The following TUFT1 variants were observed in gnomAD, a reference collection of about 807,000 sequenced individuals.
TUFT1 encodes the protein tuftelin.
In TUFT1, 43 loss-of-function variants were observed where a neutral mutation model predicts 57.8. The ratio of observed to expected loss-of-function variants is 0.74; its 90% CI spans 0.58 to 0.96. TUFT1 has a LOEUF of 0.96. TUFT1 is among the 40% of genes least tolerant of loss of function. TUFT1 has a pLI of 0.00. For synonymous variants in TUFT1, 166 were observed against 176.7 expected, an observed-to-expected ratio of 0.94 and a Z score of 0.48; for missense variants, 459 against 489.0, an observed-to-expected ratio of 0.94 and a Z score of 0.58.
chr1:151,578,970 G>A, intron 10 of TUFT1, 144 bp downstream of exon 10: 1 of 641,858 alleles, frequency 1.6e-6, no homozygotes, highest in Non-Finnish European at 2.6e-6. Flanking sequence ...CAGGTTATTA[G>A]GATTTGCTTT....
At position 151,566,210 on chromosome 1, in the gene TUFT1, G is replaced by C; in HGVS notation, c.462G>C (p.Leu154=). Residue 154 remains leucine, a synonymous_variant, in exon 6 of 13, where the codon CTG becomes CTC. Transcript: ENST00000368849. ...PNGFSQSPTA[L]YSSPPEVDTC... is the part of the protein sequence containing the mutation. ...GCTTTAGTCAGAGTCCCACAGCCCT[G>C]TACAGCAGCCCACCTGAGGTAGGTA... is the stretch of plus-strand genomic sequence containing the variant. The C allele has an allele frequency of 6.2e-7, 1 of 1,611,680 alleles. No homozygotes were observed.
Position 151,562,130 on chromosome 1 carries a change from C to G in TUFT1, c.100C>G (p.Leu34Val), listed in dbSNP as rs1571702183. 6.2e-7 allele frequency: 1 copy of G among 1,614,172 alleles called. No homozygotes were observed. Among genetic ancestry groups the G allele is most frequent in the Non-Finnish European group, 8.5e-7 (1 of 1,180,018 alleles). ...TCTCAGGCTGACTCTCCAGGGTGAA[C>G]TGACAGGAGATGAACTTGAACACAT... Reference protein sequence around the residue: ...DILRLTLQGELTGDELEHIAQ... With the variant: ...DILRLTLQGEVTGDELEHIAQ... Residue 34 changes from leucine (L) to valine (V), a missense_variant, in exon 2 of 13, where the codon CTG (leucine) becomes GTG (valine). Leu to Val is a conservative substitution (Grantham distance 32). Transcript: ENST00000368849.
chr1:151,557,701 C>T (rs941053228), intron 1 of TUFT1: 54 of 814,504 alleles, frequency 6.6e-5, no homozygotes, highest in Admixed American at 1.0e-4. Flanking sequence ...TCATCTGCCC[C>T]GGAGATTGTG....
Position 151,563,733 on chromosome 1 carries a change from G to GA in TUFT1, c.238-170dup, listed in dbSNP as rs549578351. ...AGGGTAAATTTCCAGAAGTAGAACT[G>GA]ATAGACCAAAAAGTAAATATATTTT... is the stretch of plus-strand genomic sequence containing the variant. On this transcript the variant is annotated intron_variant, in intron 3 of 12. Coordinates refer to ENST00000368849, the MANE Select transcript of TUFT1 (RefSeq NM_020127.3). Among the ~76,000 whole-genome samples, 190 of 152,282 alleles carry GA rather than the reference G, an allele frequency of 1.2e-3. 1 individual carries two copies. Among genetic ancestry groups the GA allele is most frequent in the Admixed American group, 0.012 (186 of 15,298 alleles).
chr1:151,565,907 C>T, intron 5 of TUFT1: 1 of 393,852 alleles, frequency 2.5e-6, no homozygotes, highest in South Asian at 2.8e-5. Flanking sequence ...ATCTCTCCAC[C>T]CCCTCTTGTT....
intron 9 of TUFT1, among the ~76,000 whole-genome samples, chr1:151,577,678 T>C (rs929817534): frequency 1.3e-5 from 2 of 152,180 alleles, no homozygotes; most frequent in Non-Finnish European, 2.9e-5. Flanking sequence ...CCTCAAATTC[T>C]GTCTTTCTCC....
rs1213631983 is a variant in TUFT1 at position 151,540,745 on chromosome 1, G to T, written c.60+319G>T. 53 of 323,928 alleles carry T rather than the reference G, an allele frequency of 1.6e-4. No individual in the cohort carries two copies. In the Admixed American group the frequency reaches 1.8e-3, roughly 11 times the overall value. 20.1% of individuals were successfully genotyped at this position (323,928 alleles called of 1,614,324 possible). ...GGCGTCTTTTGGGCAGCCACATTGG[G>T]TCATAAGAGAATGAGCTCAAGCGAC... On this transcript the variant is annotated intron_variant, in intron 1 of 12. Coordinates refer to ENST00000368849, the MANE Select transcript of TUFT1 (RefSeq NM_020127.3).
chr1:151,566,139 C>G, intron 5 of TUFT1, 24 bp from the exon 6 acceptor site: 2 of 1,552,832 alleles, frequency 1.3e-6, no homozygotes, highest in Non-Finnish European at 1.7e-6. Flanking sequence ...GTTTTAACTA[C>G]CAATTTTATT....
intron 6 of TUFT1, among the ~76,000 whole-genome samples, chr1:151,568,478 A>G (rs1411627844): frequency 6.6e-6 from 1 of 152,184 alleles, no homozygotes; most frequent in Non-Finnish European, 1.5e-5. Flanking sequence ...GCTTCATGTT[A>G]TATCATATGA....
At chr1:151,541,883 G>C (rs1665178864) in intron 1 of TUFT1, among the ~76,000 whole-genome samples, 1 of 152,130 alleles carries the variant, frequency 6.6e-6, no homozygotes, top group Non-Finnish European at 1.5e-5. Context: ...TATGTTGCCG[G>C]AGCTGCAGTA....
chr1:151,569,254 C>T (rs757735739), intron 6 of TUFT1, among the ~76,000 whole-genome samples: 7 of 152,110 alleles, frequency 4.6e-5, no homozygotes, highest in Non-Finnish European at 1.0e-4. Flanking sequence ...CGACATAGTC[C>T]CTGTCCTGTG....
chr1:151,542,382 T>G lies in TUFT1; in HGVS notation c.60+1956T>G, dbSNP rs915056980. ...GACTGTAGGCACATGCCACCACACC[T>G]GACTAAAATTTTTTTTTTTTTTTTC... On this transcript the variant is annotated intron_variant, in intron 1 of 12. Transcript: ENST00000368849. Among the ~76,000 whole-genome samples, 11 of 148,482 alleles carry G rather than the reference T, an allele frequency of 7.4e-5. 1 individual carries two copies. The East Asian group carries it at 1.5e-3, about 20-fold the overall frequency.
rs555560618 is a variant in TUFT1 at position 151,570,279 on chromosome 1, A to G, written c.594+509A>G. On this transcript the variant is annotated intron_variant, in intron 7 of 12. Coordinates refer to ENST00000368849, the MANE Select transcript of TUFT1 (RefSeq NM_020127.3). ...GGCTCTAAACTCAGCTTTGCTATGCAGAGCTTTGTGGTCTGGAATGAGTAT... is the reference window on the plus strand; with the variant it reads ...GGCTCTAAACTCAGCTTTGCTATGCGGAGCTTTGTGGTCTGGAATGAGTAT... 2.0e-5 allele frequency among the ~76,000 whole-genome samples: 3 copies of G among 152,304 alleles called. No homozygotes were observed. In the East Asian group the frequency reaches 5.8e-4, roughly 29 times the overall value.
At chr1:151,572,389 A>T (rs1345850433) in intron 7 of TUFT1, among the ~76,000 whole-genome samples, 1 of 152,054 alleles carries the variant, frequency 6.6e-6, no homozygotes, top group Non-Finnish European at 1.5e-5. Context: ...TTTTGCTCCG[A>T]CAGTGGGGTG....
Position 151,548,489 on chromosome 1 carries a change from GAT to G in TUFT1, c.60+8064_60+8065del, listed in dbSNP as rs1157420930. Reference sequence around the variant, plus strand: ...AGCTAATTTTTGTATTTTTAGTAGAGATGGGGTTTCATCCTGTTGGCCAGGAT... The same window carrying G: ...AGCTAATTTTTGTATTTTTAGTAGAGGGGGTTTCATCCTGTTGGCCAGGAT... On this transcript the variant is annotated intron_variant, in intron 1 of 12. Coordinates refer to ENST00000368849, the MANE Select transcript of TUFT1 (RefSeq NM_020127.3). 2.6e-5 allele frequency among the ~76,000 whole-genome samples: 4 copies of G among 152,120 alleles called. No individual in the cohort carries two copies. The East Asian group carries it at 7.8e-4, about 30-fold the overall frequency.
At chr1:151,548,733 GA>G (rs1665421504) in intron 1 of TUFT1, among the ~76,000 whole-genome samples, 1 of 152,166 alleles carries the variant, frequency 6.6e-6, no homozygotes, top group Non-Finnish European at 1.5e-5. Context: ...GGGTGAAGAT[GA>G]ATTAAGGTTG....
At chr1:151,559,283 A>G (rs1337022852) in intron 1 of TUFT1, among the ~76,000 whole-genome samples, 2 of 152,178 alleles carry the variant, frequency 1.3e-5, no homozygotes, top group Non-Finnish European at 2.9e-5. Flanking sequence ...GAGTTAACAG[A>G]AGGGGTAATT....
chr1:151,544,587 G>A (rs572164833), intron 1 of TUFT1, among the ~76,000 whole-genome samples: 9 of 151,938 alleles, frequency 5.9e-5, no homozygotes, highest in South Asian at 4.2e-4. Flanking sequence ...GTGAGCCACC[G>A]TGCCTGGCCT....
In TUFT1 at chr1:151,556,206, A is replaced by T. The variant is rs151199745; in HGVS notation, c.61-5885A>T. 4.2e-3 allele frequency among the ~76,000 whole-genome samples: 633 copies of T among 152,288 alleles called. 8 individuals are homozygous for T. The highest frequency in any genetic ancestry group is 0.014 in the African/African-American group (569 of 41,566). On this transcript the variant is annotated intron_variant, in intron 1 of 12. Transcript: ENST00000368849. ...CCTTTTTATTGCTGAGTAGTATTCC[A>T]CAATAACAGATGTGCCACAGTTTGT...
Sources: allele counts gnomAD v4.1 joint callset (sites outside exome capture counted in the v4.1 genomes callset), GRCh38; gene constraint gnomAD v4.1.1; transcripts MANE v1.5; gene names NCBI Gene and HGNC (gene_info 2026-07-23, HGNC 2026-07-21).